Variants in FRK observed in about 807,000 individuals in gnomAD.
The protein encoded by FRK is tyrosine-protein kinase FRK.
In FRK, 51 loss-of-function variants were observed where a neutral mutation model predicts 56.4. That is an observed-to-expected ratio of 0.90 (90% CI 0.72 to 1.14). The LOEUF is 1.14. FRK is among the 50% of genes most tolerant of loss of function. The pLI is 0.00. For synonymous variants in FRK, 245 were observed against 217.9 expected, an observed-to-expected ratio of 1.12 and a Z score of -1.10; for missense variants, 570 against 601.4, an observed-to-expected ratio of 0.95 and a Z score of 0.55.
upstream of FRK, among the ~76,000 whole-genome samples, chr6:116,061,146 T>C (rs903882715): frequency 6.6e-6 from 1 of 152,158 alleles, no homozygotes; most frequent in Non-Finnish European, 1.5e-5. Flanking sequence ...GGAGTAGAAT[T>C]GTTTTGCCAC....
chr6:116,034,353 C>T (rs886107726), intron 1 of FRK, among the ~76,000 whole-genome samples: 1 of 152,034 alleles, frequency 6.6e-6, no homozygotes, highest in African/African-American at 2.4e-5. Flanking sequence ...CAAAATATCA[C>T]ATGTACACCA....
At chr6:116,004,144 C>T (rs1227669433) in intron 1 of FRK, 146 bp from the exon 2 acceptor site, 1 of 684,408 alleles carries the variant, frequency 1.5e-6, no homozygotes, top group Non-Finnish European at 2.4e-6. Flanking sequence ...TAGCTTCTGA[C>T]ACTTGAGATG....
intron 1 of FRK, among the ~76,000 whole-genome samples, chr6:116,042,905 T>C (rs1281276883): frequency 6.7e-6 from 1 of 150,232 alleles, no homozygotes; most frequent in African/African-American, 2.4e-5. Flanking sequence ...ACCAAGTAAA[T>C]GGAAAGCAAA....
Position 115,936,768 on chromosome 6 carries a change from A to G in FRK, c.*5646T>C, listed in dbSNP as rs990890722. 2.0e-5 allele frequency: 3 copies of G among 152,212 alleles called. No individual in the cohort carries two copies. The highest frequency in any genetic ancestry group is 7.2e-5 in the African/African-American group (3 of 41,450). The allele number at this position is 152,212 out of a possible 1,614,324, so 9.4% of individuals were successfully genotyped here. A position where few individuals can be genotyped will look rare whatever the true frequency, so the allele number is the denominator to read the frequency against. ...TTAATGAAATAAAGGAGAAGACAAGATTAGAGAAAAAAGAGTGAAAAGGAA... is the reference window on the plus strand; with the variant it reads ...TTAATGAAATAAAGGAGAAGACAAGGTTAGAGAAAAAAGAGTGAAAAGGAA... On this transcript the variant is annotated 3_prime_UTR_variant, in exon 8 of 8. Coordinates refer to ENST00000606080, the MANE Select transcript of FRK (RefSeq NM_002031.3).
intron 1 of FRK, among the ~76,000 whole-genome samples, chr6:116,044,425 C>T (rs1776857895): frequency 6.6e-6 from 1 of 152,196 alleles, no homozygotes; most frequent in African/African-American, 2.4e-5. Flanking sequence ...AAGGCTTACT[C>T]AACATATGCA....
chr6:116,047,365 C>T (rs1359564401), intron 1 of FRK, among the ~76,000 whole-genome samples: 1 of 150,130 alleles, frequency 6.7e-6, no homozygotes, highest in East Asian at 2.0e-4. Flanking sequence ...CAGACTCTAC[C>T]CAGAGATGGA....
the FRK span, among the ~76,000 whole-genome samples, chr6:116,073,646 G>A: frequency 0.38 from 58,147 of 152,044 alleles, 12,285 homozygotes; most frequent in East Asian, 0.78. Flanking sequence ...TAAAACTCTC[G>A]CAAGAAGCCT....
chr6:115,999,459 G>A (rs1267900778), intron 2 of FRK, among the ~76,000 whole-genome samples: 1 of 152,088 alleles, frequency 6.6e-6, no homozygotes. Flanking sequence ...AACCCAATTA[G>A]CACCCACCCA....
intron 1 of FRK, among the ~76,000 whole-genome samples, chr6:116,046,351 G>A (rs1473935671): frequency 6.6e-6 from 1 of 152,146 alleles, no homozygotes; most frequent in East Asian, 1.9e-4. Context: ...TTGCAGCACT[G>A]TTCACAACAG....
At position 115,932,167 on chromosome 6, in the gene FRK, T is replaced by G. The variant is rs1201069188; in HGVS notation, c.*10247A>C. The stretch of plus-strand genomic sequence containing the variant: ...TTGTTAAGGCTTTTGAAATTCAGGG[T>G]TTATATACTACTTTGTTCTCCAGTA... On this transcript the variant is annotated 3_prime_UTR_variant, in exon 8 of 8. Transcript: ENST00000606080. The G allele has an allele frequency of 2.3e-5, 3 of 132,534 alleles. No homozygotes were observed. The highest frequency in any genetic ancestry group is 2.2e-4 in the Admixed American group (3 of 13,674). 8.2% of individuals were successfully genotyped at this position (132,534 alleles called of 1,614,324 possible).
chr6:115,965,199 A>T (rs1773516325), intron 4 of FRK, among the ~76,000 whole-genome samples: 1 of 144,206 alleles, frequency 6.9e-6, no homozygotes, highest in Non-Finnish European at 1.5e-5. Context: ...AAACAAATTT[A>T]CAAGAAGAAA....
At chr6:116,004,116 T>G (rs1260050018) in intron 1 of FRK, 118 bp from the exon 2 acceptor site, 1 of 843,270 alleles carries the variant, frequency 1.2e-6, no homozygotes, top group Non-Finnish European at 1.8e-6. Flanking sequence ...TTAGTAAAAC[T>G]ATTACAGGTA....
At chr6:116,054,289 T>A (rs1777290373) in intron 1 of FRK, among the ~76,000 whole-genome samples, 1 of 150,142 alleles carries the variant, frequency 6.7e-6, no homozygotes, top group South Asian at 2.1e-4. Flanking sequence ...CGCTAATTAA[T>A]CTCATGGCAT....
chr6:116,082,366 G>C, the FRK span, among the ~76,000 whole-genome samples: 1 of 152,242 alleles, frequency 6.6e-6, no homozygotes, highest in Non-Finnish European at 1.5e-5. Flanking sequence ...TCTCTGCCTT[G>C]GGCTAAGGAC....
intron 2 of FRK, among the ~76,000 whole-genome samples, chr6:115,987,382 T>C (rs1774434656): frequency 1.3e-5 from 2 of 152,084 alleles, no homozygotes; most frequent in Non-Finnish European, 2.9e-5. Context: ...TAAACTGCAA[T>C]ACTCTTAATG....
chr6:116,058,648 C>A (rs1002008943), intron 1 of FRK, among the ~76,000 whole-genome samples: 2 of 152,028 alleles, frequency 1.3e-5, no homozygotes, highest in African/African-American at 2.4e-5. Flanking sequence ...CGGTGGCTCA[C>A]GCCTGTAATC....
the FRK span, among the ~76,000 whole-genome samples, chr6:116,094,245 A>G: frequency 6.6e-6 from 1 of 152,240 alleles, no homozygotes. Context: ...AGAATCCCCC[A>G]ACAAGATGAT....
At chr6:116,066,628 T>C in the FRK span, among the ~76,000 whole-genome samples, 2 of 152,206 alleles carry the variant, frequency 1.3e-5, no homozygotes, top group African/African-American at 4.8e-5. Flanking sequence ...AATAAGGCTC[T>C]GCTGGGGCTG....
chr6:116,014,207 A>T (rs1173472954), intron 1 of FRK, among the ~76,000 whole-genome samples: 1 of 152,188 alleles, frequency 6.6e-6, no homozygotes, highest in Non-Finnish European at 1.5e-5. Flanking sequence ...AGAAACATTA[A>T]TTTTATACTA....
Sources: gnomAD v4.1 joint callset for allele counts (sites outside exome capture counted in the v4.1 genomes callset) on GRCh38, gnomAD v4.1.1 for gene constraint, MANE v1.5 for transcripts, NCBI Gene and HGNC (gene_info 2026-07-23, HGNC 2026-07-21) for gene names.